SORCS1: variants seen among roughly 807,000 people sequenced by gnomAD.
The protein encoded by SORCS1 is VPS10 domain-containing receptor SorCS1.
In SORCS1, 60 loss-of-function variants were observed where a neutral mutation model predicts 146.1. The ratio of observed to expected loss-of-function variants is 0.41; its 90% CI spans 0.33 to 0.51. SORCS1 has a LOEUF of 0.51. SORCS1 is among the 20% of genes least tolerant of loss of function. SORCS1 has a pLI of 0.21. For missense variants in SORCS1, 1,352 were observed against 1,487.6 expected, an observed-to-expected ratio of 0.91 and a Z score of 1.50; for synonymous variants, 637 against 584.0, an observed-to-expected ratio of 1.09 and a Z score of -1.31.
At chr10:107,176,822 A>T in the SORCS1 span, among the ~76,000 whole-genome samples, 11 of 152,170 alleles carry the variant, frequency 7.2e-5, no homozygotes, top group Non-Finnish European at 1.3e-4. Flanking sequence ...ATTTACCCTT[A>T]GTGTTTTTTA....
intron 2 of SORCS1, among the ~76,000 whole-genome samples, chr10:106,905,450 T>A (rs1951870472): frequency 6.6e-6 from 1 of 152,180 alleles, no homozygotes; most frequent in Non-Finnish European, 1.5e-5. Flanking sequence ...GTTACCAGAA[T>A]TGTGGAGCAA....
intron 1 of SORCS1, among the ~76,000 whole-genome samples, chr10:107,029,094 T>A (rs1045450806): frequency 1.2e-4 from 19 of 152,234 alleles, no homozygotes; most frequent in African/African-American, 4.6e-4. Flanking sequence ...GGAAGATTAC[T>A]ATATAGTAAG....
intron 1 of SORCS1, among the ~76,000 whole-genome samples, chr10:107,036,921 G>C (rs955928073): frequency 4.6e-5 from 7 of 152,126 alleles, no homozygotes; most frequent in Admixed American, 3.9e-4. Context: ...CTCCATTCTT[G>C]CTTGTTTTCT....
At chr10:106,579,972 T>C (rs1485172535) in intron 24 of SORCS1, among the ~76,000 whole-genome samples, 1 of 151,876 alleles carries the variant, frequency 6.6e-6, no homozygotes, top group East Asian at 1.9e-4. Flanking sequence ...TATATTTTAT[T>C]ATACTCTGAG....
At chr10:106,643,242 C>T (rs1187554283) in intron 18 of SORCS1, among the ~76,000 whole-genome samples, 4 of 152,138 alleles carry the variant, frequency 2.6e-5, no homozygotes, top group Non-Finnish European at 2.9e-5. Flanking sequence ...GTAAGATCTA[C>T]GTGAGATAAT....
At position 107,159,668 on chromosome 10, in the gene SORCS1, A is replaced by G. The variant is rs1028054117; in HGVS notation, c.558+4301T>C. On this transcript the variant is annotated intron_variant, in intron 1 of 25. Transcript: ENST00000263054. Reference sequence around the variant, plus strand: ...ACTCAAGGCAACGTGCTGATTTAGCAGGACAACTAAGATTCAAACTCAAAT... The same window carrying G: ...ACTCAAGGCAACGTGCTGATTTAGCGGGACAACTAAGATTCAAACTCAAAT... 7.9e-5 allele frequency among the ~76,000 whole-genome samples: 12 copies of G among 152,222 alleles called. No individual in the cohort carries two copies. The South Asian group carries it at 1.9e-3, about 24-fold the overall frequency.
chr10:106,876,893 C>G (rs1392783290), intron 2 of SORCS1, among the ~76,000 whole-genome samples: 1 of 152,186 alleles, frequency 6.6e-6, no homozygotes, highest in African/African-American at 2.4e-5. Context: ...TCCTTCTCTT[C>G]TGATAACTGA....
At chr10:107,135,715 G>C (rs1344679747) in intron 1 of SORCS1, among the ~76,000 whole-genome samples, 2 of 152,188 alleles carry the variant, frequency 1.3e-5, no homozygotes, top group Admixed American at 6.6e-5. Flanking sequence ...TTTTGTAGAA[G>C]AAAGAGAATA....
At chr10:107,128,674 G>T (rs1468463741) in intron 1 of SORCS1, among the ~76,000 whole-genome samples, 2 of 152,150 alleles carry the variant, frequency 1.3e-5, no homozygotes, top group African/African-American at 4.8e-5. Context: ...GTTCCTTAAG[G>T]AACATTTTCC....
intron 3 of SORCS1, among the ~76,000 whole-genome samples, chr10:106,794,651 C>T (rs1378024216): frequency 2.0e-5 from 3 of 151,792 alleles, no homozygotes; most frequent in Non-Finnish European, 4.4e-5. Context: ...TACAGGCGCC[C>T]GCCACCACGC....
At chr10:106,876,888 C>G (rs1950607142) in intron 2 of SORCS1, among the ~76,000 whole-genome samples, 1 of 152,216 alleles carries the variant, frequency 6.6e-6, no homozygotes. Context: ...ATCAGTCCTT[C>G]TCTTCTGATA....
chr10:106,920,364 T>C (rs113185496), intron 2 of SORCS1, among the ~76,000 whole-genome samples: 2,182 of 152,314 alleles, frequency 0.014, 50 homozygotes, highest in African/African-American at 0.048. Context: ...GCCCCCGGGC[T>C]TTCTATTTAT....
At chr10:107,153,926 CAA>C (rs1319382663) in intron 1 of SORCS1, among the ~76,000 whole-genome samples, 1 of 150,856 alleles carries the variant, frequency 6.6e-6, no homozygotes, top group Non-Finnish European at 1.5e-5. Flanking sequence ...TTTTTTCCCA[CAA>C]AAGTTTAATT....
At chr10:106,894,270 C>CGTGTGTGTGTGTGT (rs3982431) in intron 2 of SORCS1, among the ~76,000 whole-genome samples, 2 of 141,456 alleles carry the variant, frequency 1.4e-5, no homozygotes, top group African/African-American at 5.1e-5. Context: ...CGCACGTGTG[C>CGTGTGTGTGTGTGT]GTGTGTGTGT....
At chr10:106,825,422 C>A (rs1165117139) in intron 3 of SORCS1, among the ~76,000 whole-genome samples, 1 of 151,956 alleles carries the variant, frequency 6.6e-6, no homozygotes, top group African/African-American at 2.4e-5. Flanking sequence ...CAGGCACCCG[C>A]CACCACGCCT....
chr10:106,679,224 C>T, intron 12 of SORCS1, 32 bp downstream of exon 12: 1 of 1,574,072 alleles, frequency 6.4e-7, no homozygotes, highest in South Asian at 1.1e-5. Context: ...GTTACTTAAA[C>T]TTCAGCGATT....
rs900173492 is a variant in SORCS1 at position 106,878,628 on chromosome 10, A to G, written c.627-48955T>C. Among the ~76,000 whole-genome samples, 15 of 132,364 alleles carry G rather than the reference A, an allele frequency of 1.1e-4. 1 individual carries two copies. Among genetic ancestry groups the G allele is most frequent in the African/African-American group, 3.9e-4 (14 of 36,268 alleles). 86.8% of individuals were successfully genotyped at this position (132,364 alleles called of 152,430 possible). A position where few individuals can be genotyped will look rare whatever the true frequency, so the allele number is the denominator to read the frequency against. ...TTTTTATAAACTACCTAGTATATATATATATATATATATATATATATTTTA... is the reference window on the plus strand; with the variant it reads ...TTTTTATAAACTACCTAGTATATATGTATATATATATATATATATATTTTA... On this transcript the variant is annotated intron_variant, in intron 2 of 25. Transcript: ENST00000263054.
At chr10:106,714,135 CAA>C (rs56275056) in intron 6 of SORCS1, among the ~76,000 whole-genome samples, 266 of 53,056 alleles carry the variant, frequency 5.0e-3, no homozygotes, top group African/African-American at 0.022. Context: ...AACTCTGCCT[CAA>C]AAAAAAAAAA....
At chr10:107,154,629 G>A (rs578049685) in intron 1 of SORCS1, among the ~76,000 whole-genome samples, 1 of 152,096 alleles carries the variant, frequency 6.6e-6, no homozygotes, top group Non-Finnish European at 1.5e-5. Context: ...AAGAAGATTA[G>A]GACAGTGCCC....
Sources: allele counts gnomAD v4.1 joint callset (sites outside exome capture counted in the v4.1 genomes callset), GRCh38; gene constraint gnomAD v4.1.1; transcripts MANE v1.5; gene names NCBI Gene and HGNC (gene_info 2026-07-23, HGNC 2026-07-21).